The following SPOCK1 variants were observed in gnomAD, a reference collection of about 807,000 sequenced individuals.
SPOCK1 encodes the protein testican-1.
In SPOCK1, 23 loss-of-function variants were observed where a neutral mutation model predicts 55.3. That is an observed-to-expected ratio of 0.42 (90% CI 0.30 to 0.59). SPOCK1 has a LOEUF of 0.59. Ranked by LOEUF, SPOCK1 falls within the 20% of genes least tolerant of loss-of-function variation. The pLI is 0.22. For synonymous variants in SPOCK1, 226 were observed against 221.0 expected, an observed-to-expected ratio of 1.02 and a Z score of -0.20; for missense variants, 499 against 552.5, an observed-to-expected ratio of 0.90 and a Z score of 0.97.
chr5:137,375,143 A>C (rs1751285589), intron 2 of SPOCK1, among the ~76,000 whole-genome samples: 2 of 149,782 alleles, frequency 1.3e-5, no homozygotes, highest in Middle Eastern at 3.5e-3. Context: ...GTTTTTGATA[A>C]GCCAAGCTTT....
At chr5:137,383,903 C>T (rs1751536219) in intron 2 of SPOCK1, among the ~76,000 whole-genome samples, 1 of 152,196 alleles carries the variant, frequency 6.6e-6, no homozygotes, top group Non-Finnish European at 1.5e-5. Flanking sequence ...GCTCCCACCT[C>T]ATCAGCCCAA....
At chr5:137,102,762 A>G (rs1753294125) in intron 5 of SPOCK1, among the ~76,000 whole-genome samples, 1 of 152,126 alleles carries the variant, frequency 6.6e-6, no homozygotes, top group Non-Finnish European at 1.5e-5. Context: ...TCTCATTTTC[A>G]ATTTAGGACT....
At chr5:137,001,660 C>T (rs762597969) in intron 6 of SPOCK1, among the ~76,000 whole-genome samples, 4 of 152,196 alleles carry the variant, frequency 2.6e-5, no homozygotes, top group Non-Finnish European at 5.9e-5. Context: ...CAAGCCCTTG[C>T]TCTTCTCTGA....
intron 2 of SPOCK1, among the ~76,000 whole-genome samples, chr5:137,313,864 C>A (rs1757829079): frequency 6.7e-6 from 1 of 150,364 alleles, no homozygotes; most frequent in African/African-American, 2.4e-5. Context: ...TGAAGAACCC[C>A]TTTATAAATG....
intron 2 of SPOCK1, among the ~76,000 whole-genome samples, chr5:137,304,400 C>A (rs376713388): frequency 6.6e-6 from 1 of 152,176 alleles, no homozygotes; most frequent in Non-Finnish European, 1.5e-5. Flanking sequence ...TCCTCTCAGG[C>A]TTCCAGAAGG....
intron 3 of SPOCK1, among the ~76,000 whole-genome samples, chr5:137,215,709 T>C (rs540727103): frequency 6.6e-6 from 1 of 152,302 alleles, no homozygotes; most frequent in Non-Finnish European, 1.5e-5. Flanking sequence ...TCCCCTACCA[T>C]GAGCAGTTTG....
intron 2 of SPOCK1, among the ~76,000 whole-genome samples, chr5:137,415,735 T>C (rs574904842): frequency 5.3e-5 from 8 of 152,316 alleles, no homozygotes; most frequent in African/African-American, 1.9e-4. Flanking sequence ...GGTGGCAAGC[T>C]CACTTAAGGT....
At chr5:137,428,444 A>G (rs1347987282) in intron 2 of SPOCK1, among the ~76,000 whole-genome samples, 1 of 152,024 alleles carries the variant, frequency 6.6e-6, no homozygotes, top group Non-Finnish European at 1.5e-5. Flanking sequence ...CCTGTCCTTC[A>G]AGGCAACTCC....
At chr5:137,429,932 T>G (rs1186184216) in intron 2 of SPOCK1, among the ~76,000 whole-genome samples, 1 of 152,096 alleles carries the variant, frequency 6.6e-6, no homozygotes, top group Admixed American at 6.5e-5. Context: ...CTGGCCTGAG[T>G]GGTCTCTCCA....
At chr5:137,401,559 A>T (rs1323410287) in intron 2 of SPOCK1, among the ~76,000 whole-genome samples, 2 of 3,440 alleles carry the variant, frequency 5.8e-4, no homozygotes, top group Admixed American at 5.0e-3. Flanking sequence ...TCATCTCTAC[A>T]AAAAAAAAAA....
intron 6 of SPOCK1, among the ~76,000 whole-genome samples, chr5:137,054,793 A>G (rs1317600263): frequency 6.6e-6 from 1 of 152,216 alleles, no homozygotes; most frequent in East Asian, 1.9e-4. Context: ...TGTAACAGAC[A>G]TATTACAAAT....
At chr5:137,263,224 T>C (rs1756782783) in intron 3 of SPOCK1, among the ~76,000 whole-genome samples, 1 of 152,208 alleles carries the variant, frequency 6.6e-6, no homozygotes, top group South Asian at 2.1e-4. Context: ...ATAGGTTAAA[T>C]GGGTTTCTTT....
chr5:137,117,254 T>C (rs113509095), intron 4 of SPOCK1, among the ~76,000 whole-genome samples: 6,623 of 152,294 alleles, frequency 0.043, 483 homozygotes, highest in African/African-American at 0.15. Context: ...TTCAAGTCTA[T>C]AGGACTGGAC....
intron 2 of SPOCK1, among the ~76,000 whole-genome samples, chr5:137,301,818 G>T (rs969085376): frequency 1.3e-5 from 2 of 151,786 alleles, no homozygotes; most frequent in East Asian, 1.9e-4. Flanking sequence ...CTGATTTCAG[G>T]TTTTCTATTT....
At chr5:137,053,525 C>T (rs1752248376) in intron 6 of SPOCK1, among the ~76,000 whole-genome samples, 1 of 152,094 alleles carries the variant, frequency 6.6e-6, no homozygotes, top group South Asian at 2.1e-4. Flanking sequence ...TTAACAGTGG[C>T]ATAAATTCAT....
chr5:137,263,216 A>G (rs1161458253), intron 3 of SPOCK1, among the ~76,000 whole-genome samples: 1 of 152,226 alleles, frequency 6.6e-6, no homozygotes, highest in African/African-American at 2.4e-5. Flanking sequence ...GGAAAATGAT[A>G]GGTTAAATGG....
intron 3 of SPOCK1, among the ~76,000 whole-genome samples, chr5:137,162,699 C>T (rs1235454137): frequency 4.6e-5 from 7 of 152,038 alleles, no homozygotes; most frequent in African/African-American, 1.2e-4. Flanking sequence ...GTTATAAAGT[C>T]GACAAACTCT....
chr5:137,394,752 G>A (rs1243951639), intron 2 of SPOCK1, among the ~76,000 whole-genome samples: 1 of 152,190 alleles, frequency 6.6e-6, no homozygotes, highest in Admixed American at 6.5e-5. Flanking sequence ...TTTCTTCCAT[G>A]GGAGAAGTGT....
chr5:137,489,316 A>C (rs531134560), intron 2 of SPOCK1, among the ~76,000 whole-genome samples: 9 of 152,198 alleles, frequency 5.9e-5, no homozygotes, highest in Non-Finnish European at 1.2e-4. Flanking sequence ...TAAGGGGAGG[A>C]GCTGAAGGAG....
Sources: gnomAD v4.1 joint callset for allele counts (sites outside exome capture counted in the v4.1 genomes callset) on GRCh38, gnomAD v4.1.1 for gene constraint, MANE v1.5 for transcripts, NCBI Gene and HGNC (gene_info 2026-07-23, HGNC 2026-07-21) for gene names.